The following CNTLN variants were observed in gnomAD, a reference collection of about 807,000 sequenced individuals.
CNTLN encodes the protein centlein, centrosomal protein.
Under a neutral mutation model 180.0 loss-of-function variants are expected in CNTLN, and 212 were observed. The ratio of observed to expected loss-of-function variants is 1.18; its 90% confidence interval spans 1.05 to 1.32. CNTLN has a LOEUF of 1.32. CNTLN is among the 40% of genes most tolerant of loss of function. CNTLN has a pLI of 0.00. For synonymous variants in CNTLN, 722 were observed against 563.1 expected (o/e 1.28, Z -3.99); for missense variants, 2,095 against 1,610.9 (o/e 1.30, Z -5.14).
rs552608959 is a variant in CNTLN at position 17,362,160 on chromosome 9, T to C, written c.1887-4457T>C. ...AAAGTATGTTTTAAGAAGCAAGAAATAACTTTTCCAACAACTGCAGCCCTA... is the reference window on the plus strand; with the variant it reads ...AAAGTATGTTTTAAGAAGCAAGAAACAACTTTTCCAACAACTGCAGCCCTA... On this transcript the variant is annotated intron_variant, in intron 12 of 25. Coordinates refer to ENST00000380647, the MANE Select transcript of CNTLN (RefSeq NM_017738.4). Among the ~76,000 whole-genome samples the C allele has an allele frequency of 1.3e-3, 192 of 152,312 alleles. 2 individuals are homozygous for C. The highest frequency in any genetic ancestry group is 7.9e-3 in the South Asian group (38 of 4,824).
At chr9:17,225,107 T>A (rs925989725) in intron 2 of CNTLN, among the ~76,000 whole-genome samples, 11 of 152,006 alleles carry the variant, frequency 7.2e-5, no homozygotes, top group African/African-American at 2.4e-4. Flanking sequence ...TTGCAGGGTG[T>A]TTTGGCTCAA....
At chr9:17,309,645 A>G (rs1775522028) in intron 8 of CNTLN, among the ~76,000 whole-genome samples, 1 of 136,974 alleles carries the variant, frequency 7.3e-6, no homozygotes. Flanking sequence ...CTCAGTATCC[A>G]ATAGTCCTAA....
chr9:17,273,320 C>T (rs1237454730), intron 5 of CNTLN, among the ~76,000 whole-genome samples: 1 of 152,064 alleles, frequency 6.6e-6, no homozygotes, highest in African/African-American at 2.4e-5. Context: ...ACTGTCCTTT[C>T]TTCTTGAAAT....
chr9:17,295,678 TC>T (rs1817844658), intron 6 of CNTLN, among the ~76,000 whole-genome samples: 1 of 152,156 alleles, frequency 6.6e-6, no homozygotes, highest in African/African-American at 2.4e-5. Flanking sequence ...TGAGGAAAGA[TC>T]TGGACAAATT....
chr9:17,342,474 A>C, intron 12 of CNTLN, 30 bp downstream of exon 12: 1 of 1,569,942 alleles, frequency 6.4e-7, no homozygotes, highest in South Asian at 1.2e-5. Flanking sequence ...ATATGGACTT[A>C]GATAAAATAC....
chr9:17,290,141 T>C (rs1180213892), intron 6 of CNTLN, among the ~76,000 whole-genome samples: 1 of 152,138 alleles, frequency 6.6e-6, no homozygotes, highest in African/African-American at 2.4e-5. Flanking sequence ...TTTGTGGTTT[T>C]ATCTACTTTT....
chr9:17,513,278 CTT>C, the CNTLN span, among the ~76,000 whole-genome samples: 64 of 147,346 alleles, frequency 4.3e-4, no homozygotes, highest in African/African-American at 1.5e-3. Context: ...AATGAGAATA[CTT>C]TTTTTTTTTA....
intron 7 of CNTLN, chr9:17,301,106 A>G: frequency 1.0e-6 from 1 of 985,408 alleles, no homozygotes; most frequent in Non-Finnish European, 1.2e-6. Flanking sequence ...CATACCAGTA[A>G]TACTTTGCTG....
At chr9:17,141,298 G>A (rs1818072476) in intron 1 of CNTLN, among the ~76,000 whole-genome samples, 1 of 152,266 alleles carries the variant, frequency 6.6e-6, no homozygotes, top group African/African-American at 2.4e-5. Context: ...AAAAAAAATT[G>A]TAACTGGAAA....
chr9:17,149,512 C>CTTTTTTTTTTTTTT (rs55691769), intron 2 of CNTLN, among the ~76,000 whole-genome samples: 1 of 106,154 alleles, frequency 9.4e-6, no homozygotes, highest in African/African-American at 3.8e-5. Context: ...TTCTTTCTTT[C>CTTTTTTTTTTTTTT]TTTTTTTTTT....
At chr9:17,471,553 A>G (rs943946326) in intron 23 of CNTLN, among the ~76,000 whole-genome samples, 1 of 152,086 alleles carries the variant, frequency 6.6e-6, no homozygotes, top group Non-Finnish European at 1.5e-5. Context: ...GTTTTTGGAA[A>G]TTCAGTTAAC....
At chr9:17,508,145 G>A (rs1039120852), downstream of CNTLN, among the ~76,000 whole-genome samples, 4 of 152,098 alleles carry the variant, frequency 2.6e-5, no homozygotes, top group African/African-American at 7.2e-5. Flanking sequence ...TGCACTAACC[G>A]TGACACTCTC....
chr9:17,403,165 T>G (rs1827116281), intron 15 of CNTLN, among the ~76,000 whole-genome samples: 1 of 151,688 alleles, frequency 6.6e-6, no homozygotes, highest in African/African-American at 2.4e-5. Flanking sequence ...GATGGACCTT[T>G]TGGAAGAGAT....
intron 7 of CNTLN, chr9:17,299,871 T>C (rs760209916): frequency 1.1e-4 from 97 of 873,220 alleles, no homozygotes; most frequent in Admixed American, 1.2e-4. Flanking sequence ...TTGGCTTCCA[T>C]TGTACTATAA....
At chr9:17,479,550 G>A (rs1343584892) in intron 23 of CNTLN, among the ~76,000 whole-genome samples, 3 of 152,122 alleles carry the variant, frequency 2.0e-5, no homozygotes, top group Non-Finnish European at 4.4e-5. Flanking sequence ...GAGAAATGGG[G>A]AATTTTTAAT....
At chr9:17,377,051 T>C (rs1229152767) in intron 13 of CNTLN, among the ~76,000 whole-genome samples, 1 of 152,190 alleles carries the variant, frequency 6.6e-6, no homozygotes, top group Non-Finnish European at 1.5e-5. Flanking sequence ...TGTTTCCTCC[T>C]CATCTTGAGT....
At position 17,213,628 on chromosome 9, in the gene CNTLN, G is replaced by A. The variant is rs182828658; in HGVS notation, c.450-12575G>A. On this transcript the variant is annotated intron_variant, in intron 2 of 25. Transcript: ENST00000380647. ...GATATTTTTGTTAACTTTCTGACTC[G>A]TTGGTCTGTCTAATGTTGACAGTGG... is the stretch of plus-strand genomic sequence containing the variant. Among the ~76,000 whole-genome samples the A allele has an allele frequency of 7.9e-5, 12 of 152,238 alleles. No individual in the cohort carries two copies. The East Asian group carries it at 1.9e-3, about 25-fold the overall frequency.
intron 5 of CNTLN, among the ~76,000 whole-genome samples, chr9:17,252,185 C>T (rs1285075536): frequency 6.6e-6 from 1 of 151,756 alleles, no homozygotes; most frequent in Admixed American, 6.6e-5. Context: ...ATGAATAATG[C>T]CACAATAAAT....
chr9:17,431,226 C>G (rs1000138781), intron 18 of CNTLN, among the ~76,000 whole-genome samples: 6 of 151,972 alleles, frequency 3.9e-5, no homozygotes, highest in African/African-American at 1.2e-4. Context: ...TAATTTTTGT[C>G]TTTTTGATAA....
Sources: allele counts gnomAD v4.1 joint callset (sites outside exome capture counted in the v4.1 genomes callset), GRCh38; gene constraint gnomAD v4.1.1; transcripts MANE v1.5; gene names NCBI Gene and HGNC (gene_info 2026-07-23, HGNC 2026-07-21).